Variants in RAB21 observed in about 807,000 individuals in gnomAD.
RAB21 encodes ras-related protein Rab-21.
Under a neutral mutation model 33.1 loss-of-function variants are expected in RAB21, and 13 were observed. The ratio of observed to expected loss-of-function variants is 0.39; its 90% confidence interval spans 0.26 to 0.62. The LOEUF (loss-of-function observed/expected upper bound fraction) is 0.62, where lower values mean the gene tolerates loss of function less well. Ranked by LOEUF, RAB21 falls within the 20% of genes least tolerant of loss-of-function variation. The pLI is 0.48. For synonymous variants in RAB21, 91 were observed against 103.7 expected, an observed-to-expected ratio of 0.88 and a Z score of 0.74; for missense variants, 234 against 279.1, an observed-to-expected ratio of 0.84 and a Z score of 1.15.
rs1883488556 is a variant in RAB21, at chr12:71,798,134, AG to A, written c.*12464del. On this transcript the variant is annotated 3_prime_UTR_variant, in exon 7 of 7. Transcript: ENST00000261263. ...AGTCTCACTCTATTGCCCAGGCTAGAGGGCAGCGGCATGATCTTGGCTCACT... is the reference window on the plus strand; with the variant it reads ...AGTCTCACTCTATTGCCCAGGCTAGAGGCAGCGGCATGATCTTGGCTCACT... The A allele has an allele frequency of 6.6e-6, 1 of 152,212 alleles. No individual in the cohort carries two copies. Among genetic ancestry groups the A allele is most frequent in the Non-Finnish European group, 1.5e-5 (1 of 68,046 alleles). The allele number at this position is 152,212 out of a possible 1,614,324, so 9.4% of individuals were successfully genotyped here.
At position 71,782,780 on chromosome 12, in the gene RAB21, A is replaced by G. The variant is rs917942585; in HGVS notation, c.535+122A>G. On this transcript the variant is annotated intron_variant, in intron 6 of 6. Transcript: ENST00000261263. ...ATTGGTTCTTTTTAAACTATTGACT[A>G]TTGGTAGTATTTCTGAAGTGCTGTA... The G allele has an allele frequency of 4.7e-6, 3 of 634,248 alleles. No homozygotes were observed. In the East Asian group the frequency reaches 8.9e-5, roughly 19 times the overall value. The allele number at this position is 634,248 out of a possible 1,614,324, so 39.3% of individuals were successfully genotyped here.
chr12:71,758,366 C>T (rs370749481), intron 1 of RAB21, among the ~76,000 whole-genome samples: 18 of 152,146 alleles, frequency 1.2e-4, no homozygotes, highest in African/African-American at 3.6e-4. Flanking sequence ...AGTCCTAATT[C>T]TCCCCACTGA....
At chr12:71,768,272 G>T (rs1253808378) in intron 1 of RAB21, among the ~76,000 whole-genome samples, 1 of 152,026 alleles carries the variant, frequency 6.6e-6, no homozygotes, top group Non-Finnish European at 1.5e-5. Flanking sequence ...TCTGTGGTGT[G>T]CCCATAGCAA....
intron 1 of RAB21, among the ~76,000 whole-genome samples, chr12:71,768,559 T>C (rs1401205174): frequency 6.6e-6 from 1 of 152,146 alleles, no homozygotes; most frequent in East Asian, 1.9e-4. Context: ...AGATCTCCTT[T>C]TTTATATTTT....
chr12:71,755,763 G>A (rs2137635129), intron 1 of RAB21, among the ~76,000 whole-genome samples: 1 of 152,348 alleles, frequency 6.6e-6, no homozygotes, highest in East Asian at 1.9e-4. Flanking sequence ...TAACAGGAAT[G>A]GCAAAAGAGC....
chr12:71,760,907 A>G lies in RAB21; in HGVS notation c.159+5619A>G, dbSNP rs1013770788. 9.9e-5 allele frequency among the ~76,000 whole-genome samples: 15 copies of G among 152,094 alleles called. 1 individual carries two copies. The highest frequency in any genetic ancestry group is 3.6e-4 in the African/African-American group (15 of 41,402). On this transcript the variant is annotated intron_variant, in intron 1 of 6. Coordinates refer to ENST00000261263, the MANE Select transcript of RAB21 (RefSeq NM_014999.4). ...ATCCTAACAGTTTGGCAAATGAGGA[A>G]ACTAAGACTTGGATTTGGCTGGGTG...
rs762826318 is a variant in RAB21 at position 71,788,171 on chromosome 12, C to T, written c.*2498C>T. On this transcript the variant is annotated 3_prime_UTR_variant, in exon 7 of 7. Transcript: ENST00000261263. Reference sequence around the variant, plus strand: ...GAAATTGAGCTTTATTTTAAAAAAACGTTCTAAAGCCTGATAATTGGAGAG... The same window carrying T: ...GAAATTGAGCTTTATTTTAAAAAAATGTTCTAAAGCCTGATAATTGGAGAG... 3.3e-5 allele frequency: 5 copies of T among 152,020 alleles called. No individual in the cohort carries two copies. In the East Asian group the frequency reaches 7.7e-4, roughly 23 times the overall value. 9.4% of individuals were successfully genotyped at this position (152,020 alleles called of 1,614,324 possible).
In RAB21 at chr12:71,788,724, G is replaced by A. The variant is rs191737840; in HGVS notation, c.*3051G>A. ...AGTTAACTTATATAATTAAAAATTG[G>A]TTTAAGATAGTGATTAAAAATACCT... On this transcript the variant is annotated 3_prime_UTR_variant, in exon 7 of 7. Coordinates refer to ENST00000261263, the MANE Select transcript of RAB21 (RefSeq NM_014999.4). 2.4e-4 allele frequency: 36 copies of A among 152,186 alleles called. No individual in the cohort carries two copies. Among genetic ancestry groups the A allele is most frequent in the East Asian group, 3.9e-4 (2 of 5,180 alleles). 9.4% of individuals were successfully genotyped at this position (152,186 alleles called of 1,614,324 possible). A position where few individuals can be genotyped will look rare whatever the true frequency, so the allele number is the denominator to read the frequency against.
At position 71,791,695 on chromosome 12, in the gene RAB21, C is replaced by CT. The variant is rs1360426458; in HGVS notation, c.*6027dup. Reference sequence around the variant, plus strand: ...TCCCTTCCCTCATCATCCCACATCCCTTTTTAGAGGTAACCATTGTTAACA... The same window carrying CT: ...TCCCTTCCCTCATCATCCCACATCCCTTTTTTAGAGGTAACCATTGTTAACA... On this transcript the variant is annotated 3_prime_UTR_variant, in exon 7 of 7. Coordinates refer to ENST00000261263, the MANE Select transcript of RAB21 (RefSeq NM_014999.4). 1.3e-5 allele frequency: 2 copies of CT among 152,096 alleles called. No homozygotes were observed. The highest frequency in any genetic ancestry group is 2.4e-5 in the African/African-American group (1 of 41,404). 9.4% of individuals were successfully genotyped at this position (152,096 alleles called of 1,614,324 possible).
chr12:71,755,112 C>T lies in RAB21; in HGVS notation c.-18C>T, dbSNP rs1235956027. 4 of 1,150,166 alleles carry T rather than the reference C, an allele frequency of 3.5e-6. No individual in the cohort carries two copies. In the Admixed American group the frequency reaches 1.9e-4, roughly 56 times the overall value. 71.2% of individuals were successfully genotyped at this position (1,150,166 alleles called of 1,614,324 possible). On this transcript the variant is annotated 5_prime_UTR_variant, in exon 1 of 7. Coordinates refer to ENST00000261263, the MANE Select transcript of RAB21 (RefSeq NM_014999.4). ...GGGCGGCGCGACACTCGGGCTCGGG[C>T]GGCCGGGAAGCGACGGGATGGCTGC...
Position 71,792,571 on chromosome 12 carries a change from A to G in RAB21, c.*6898A>G. On this transcript the variant is annotated 3_prime_UTR_variant, in exon 7 of 7. Coordinates refer to ENST00000261263, the MANE Select transcript of RAB21 (RefSeq NM_014999.4). ...ATTTATTCATGTTTGACTTTAAATG[A>G]AAATTCAGAAAGCAGGTTAAGCATA... is the stretch of plus-strand genomic sequence containing the variant. 1 of 152,260 alleles carries G rather than the reference A, an allele frequency of 6.6e-6. No homozygotes were observed. Among genetic ancestry groups the G allele is most frequent in the Middle Eastern group, 3.2e-3 (1 of 316 alleles). The allele number at this position is 152,260 out of a possible 1,614,324, so 9.4% of individuals were successfully genotyped here.
chr12:71,788,602 T>A lies in RAB21; in HGVS notation c.*2929T>A, dbSNP rs1282441218. ...TATACCTTTTGCATTCTTTTTCTGA[T>A]AATTGTGCTATTAGGCAGAAGACAC... is the stretch of plus-strand genomic sequence containing the variant. On this transcript the variant is annotated 3_prime_UTR_variant, in exon 7 of 7. Transcript: ENST00000261263. 1 of 152,204 alleles carries A rather than the reference T, an allele frequency of 6.6e-6. No homozygotes were observed. Among genetic ancestry groups the A allele is most frequent in the Non-Finnish European group, 1.5e-5 (1 of 68,026 alleles). The allele number at this position is 152,204 out of a possible 1,614,324, so 9.4% of individuals were successfully genotyped here. A position where few individuals can be genotyped will look rare whatever the true frequency, so the allele number is the denominator to read the frequency against.
chr12:71,756,584 G>A (rs1270181892), intron 1 of RAB21, among the ~76,000 whole-genome samples: 1 of 152,136 alleles, frequency 6.6e-6, no homozygotes, highest in Non-Finnish European at 1.5e-5. Context: ...CGTATGTAAA[G>A]CATATCTGAA....
chr12:71,764,822 G>GTA (rs961137260), intron 1 of RAB21, among the ~76,000 whole-genome samples: 10 of 152,090 alleles, frequency 6.6e-5, no homozygotes, highest in African/African-American at 4.8e-5. Flanking sequence ...ATTCTATGGC[G>GTA]TATATATACC....
At chr12:71,769,932 C>G in intron 2 of RAB21, 73 bp downstream of exon 2, 1 of 704,102 alleles carries the variant, frequency 1.4e-6, no homozygotes, top group Non-Finnish European at 2.1e-6. Context: ...TTAATTGGAG[C>G]TTAGCCAACA....
At chr12:71,782,364 T>G in intron 5 of RAB21, 1 of 516,234 alleles carries the variant, frequency 1.9e-6, no homozygotes, top group Non-Finnish European at 3.4e-6. Context: ...GAGTCCCAAA[T>G]TAATCTATAA....
intron 3 of RAB21, among the ~76,000 whole-genome samples, chr12:71,771,439 T>A (rs1214669129): frequency 6.6e-6 from 1 of 152,236 alleles, no homozygotes; most frequent in Admixed American, 6.5e-5. Context: ...TTGGTAAAAT[T>A]ACTTACCTTG....
chr12:71,755,099 A>ACTCGGG lies in RAB21; in HGVS notation c.-23_-18dup. ...GCGGCTGTCGGGAGGGCGGCGCGAC[A>ACTCGGG]CTCGGGCTCGGGCGGCCGGGAAGCG... On this transcript the variant is annotated 5_prime_UTR_variant, in exon 1 of 7. Coordinates refer to ENST00000261263, the MANE Select transcript of RAB21 (RefSeq NM_014999.4). 9.0e-7 allele frequency: 1 copy of ACTCGGG among 1,107,372 alleles called. No homozygotes were observed. The highest frequency in any genetic ancestry group is 4.3e-5 in the South Asian group (1 of 23,336). 68.6% of individuals were successfully genotyped at this position (1,107,372 alleles called of 1,614,324 possible).
chr12:71,782,408 A>G (rs1465316483), intron 5 of RAB21, 162 bp from the exon 6 acceptor site: 1 of 530,044 alleles, frequency 1.9e-6, no homozygotes, highest in Non-Finnish European at 3.3e-6. Flanking sequence ...GTGTTATTTA[A>G]AATTTGATTT....
Sources: allele counts gnomAD v4.1 joint callset (sites outside exome capture counted in the v4.1 genomes callset), GRCh38; gene constraint gnomAD v4.1.1; transcripts MANE v1.5; gene names NCBI Gene and HGNC (gene_info 2026-07-23, HGNC 2026-07-21).